The following LRRTM4 variants were observed in gnomAD, a reference collection of about 807,000 sequenced individuals.
The protein encoded by LRRTM4 is leucine rich repeat transmembrane neuronal 4.
Under a neutral mutation model 47.6 loss-of-function variants are expected in LRRTM4, and 25 were observed. The ratio of observed to expected loss-of-function variants is 0.53; its 90% CI spans 0.38 to 0.73. The LOEUF is 0.73. Among genes scored for constraint, LRRTM4 ranks in the 30% least tolerant of loss-of-function variants. The probability of loss-of-function intolerance (pLI) is 0.00; values close to 1 mark genes in which losing one functional copy is unlikely to be tolerated. For missense variants in LRRTM4, 638 were observed against 713.4 expected (o/e 0.89, Z 1.20); for synonymous variants, 311 against 269.5 (o/e 1.15, Z -1.51).
intron 3 of LRRTM4, among the ~76,000 whole-genome samples, chr2:76,825,901 G>T (rs989618718): frequency 1.3e-5 from 2 of 151,602 alleles, no homozygotes; most frequent in Non-Finnish European, 3.0e-5. Context: ...GTTGCAGTCT[G>T]TAAGAGCAGA....
chr2:77,355,190 G>A (rs1301766405), intron 3 of LRRTM4, among the ~76,000 whole-genome samples: 1 of 152,112 alleles, frequency 6.6e-6, no homozygotes, highest in Non-Finnish European at 1.5e-5. Context: ...TGTATATGTA[G>A]GTAAGTAATG....
intron 3 of LRRTM4, among the ~76,000 whole-genome samples, chr2:76,877,565 T>C (rs1672812463): frequency 6.6e-6 from 1 of 152,148 alleles, no homozygotes; most frequent in Admixed American, 6.5e-5. Flanking sequence ...CCTCACTGTT[T>C]TACATTCTAA....
intron 3 of LRRTM4, among the ~76,000 whole-genome samples, chr2:77,411,415 TTCTTGTTTC>T (rs1333437922): frequency 1.4e-5 from 2 of 148,012 alleles, no homozygotes; most frequent in East Asian, 4.0e-4. Flanking sequence ...ATTTCTCTCT[TTCTTGTTTC>T]TCTCTCTCTC....
intron 3 of LRRTM4, among the ~76,000 whole-genome samples, chr2:77,051,590 T>C (rs1052302120): frequency 6.6e-6 from 1 of 152,202 alleles, no homozygotes; most frequent in East Asian, 1.9e-4. Context: ...TGTGTGAGTG[T>C]GCTCCTAAAA....
intron 3 of LRRTM4, among the ~76,000 whole-genome samples, chr2:76,795,308 G>C (rs997550303): frequency 5.9e-5 from 9 of 151,996 alleles, no homozygotes; most frequent in Non-Finnish European, 1.2e-4. Flanking sequence ...ATCTTGTTTT[G>C]AAATATATAT....
intron 3 of LRRTM4, among the ~76,000 whole-genome samples, chr2:77,487,184 C>A (rs890892406): frequency 6.6e-6 from 1 of 152,188 alleles, no homozygotes; most frequent in Non-Finnish European, 1.5e-5. Flanking sequence ...GCCCCGCCCC[C>A]TTCTGAGTTG....
chr2:76,873,536 A>ATATATATATATGTAT (rs1553423283), intron 3 of LRRTM4, among the ~76,000 whole-genome samples: 1 of 145,410 alleles, frequency 6.9e-6, no homozygotes, highest in African/African-American at 2.6e-5. Flanking sequence ...ATATATATAC[A>ATATATATATATGTAT]ACATAGTTGT....
chr2:77,170,990 G>T (rs1199804859), intron 3 of LRRTM4, among the ~76,000 whole-genome samples: 1 of 149,970 alleles, frequency 6.7e-6, no homozygotes, highest in Admixed American at 6.7e-5. Flanking sequence ...ATATATATTA[G>T]CTTTATATAT....
At chr2:76,839,714 TAATA>T (rs1207811775) in intron 3 of LRRTM4, among the ~76,000 whole-genome samples, 2 of 152,156 alleles carry the variant, frequency 1.3e-5, no homozygotes, top group African/African-American at 2.4e-5. Flanking sequence ...TTATATATCA[TAATA>T]AATAGATTTC....
intron 3 of LRRTM4, among the ~76,000 whole-genome samples, chr2:76,800,497 A>T (rs1424067797): frequency 2.3e-4 from 33 of 145,868 alleles, no homozygotes; most frequent in African/African-American, 7.7e-4. Context: ...AACCATAAAA[A>T]CCCTAGAAGA....
At chr2:77,161,535 C>CT in intron 3 of LRRTM4, among the ~76,000 whole-genome samples, 1 of 152,210 alleles carries the variant, frequency 6.6e-6, no homozygotes, top group East Asian at 1.9e-4. Context: ...AGGCAAAAAC[C>CT]TGGTCAGGTG....
intron 3 of LRRTM4, among the ~76,000 whole-genome samples, chr2:77,362,899 G>A (rs771249969): frequency 9.2e-5 from 14 of 151,916 alleles, no homozygotes; most frequent in Non-Finnish European, 1.0e-4. Flanking sequence ...ATATTAGCCC[G>A]TTTCTTAATT....
intron 3 of LRRTM4, among the ~76,000 whole-genome samples, chr2:77,070,049 T>TTTTA (rs1553381742): frequency 6.8e-6 from 1 of 146,728 alleles, no homozygotes; most frequent in Non-Finnish European, 1.5e-5. Context: ...ACAGATCAGA[T>TTTTA]TATATATATA....
intron 3 of LRRTM4, among the ~76,000 whole-genome samples, chr2:76,818,135 A>G (rs374985205): frequency 6.6e-6 from 1 of 151,942 alleles, no homozygotes; most frequent in African/African-American, 2.4e-5. Flanking sequence ...TGTAATATAC[A>G]TTTAAGCTGG....
At chr2:77,009,011 T>G (rs1677770700) in intron 3 of LRRTM4, 1 of 151,860 alleles carries the variant, frequency 6.6e-6, no homozygotes, top group Non-Finnish European at 1.5e-5. Flanking sequence ...TTCTTGTCTC[T>G]TTTCATTCAC....
At chr2:76,843,909 ATTT>A (rs60754198) in intron 3 of LRRTM4, among the ~76,000 whole-genome samples, 3 of 137,458 alleles carry the variant, frequency 2.2e-5, no homozygotes, top group East Asian at 2.1e-4. Flanking sequence ...TTCTTTTTTC[ATTT>A]TTTTTTTTTT....
intron 3 of LRRTM4, among the ~76,000 whole-genome samples, chr2:76,965,548 G>A (rs1361902982): frequency 2.0e-5 from 3 of 150,666 alleles, no homozygotes; most frequent in Non-Finnish European, 4.5e-5. Flanking sequence ...TATTGTTTTG[G>A]GACCTAAAGT....
chr2:76,768,367 A>G (rs1673539843), intron 3 of LRRTM4, among the ~76,000 whole-genome samples: 1 of 152,134 alleles, frequency 6.6e-6, no homozygotes, highest in African/African-American at 2.4e-5. Flanking sequence ...AAATTGATGC[A>G]TTGGTGGATG....
chr2:77,407,385 C>G (rs1674236558), intron 3 of LRRTM4, among the ~76,000 whole-genome samples: 1 of 151,062 alleles, frequency 6.6e-6, no homozygotes, highest in Admixed American at 6.6e-5. Context: ...CTGCTGATTC[C>G]AGATTGACAA....
Sources: gnomAD v4.1 joint callset for allele counts (sites outside exome capture counted in the v4.1 genomes callset) on GRCh38, gnomAD v4.1.1 for gene constraint, MANE v1.5 for transcripts, NCBI Gene and HGNC (gene_info 2026-07-23, HGNC 2026-07-21) for gene names.